CFAP91: variants seen among roughly 807,000 people sequenced by gnomAD.
CFAP91 encodes cilia and flagella associated protein 91.
Under a neutral mutation model 95.9 loss-of-function variants are expected in CFAP91, and 85 were observed. That is an observed-to-expected ratio of 0.89 (90% CI 0.74 to 1.06). CFAP91 has a LOEUF of 1.06. Ranked by LOEUF, CFAP91 falls within the 50% of genes least tolerant of loss-of-function variation. The pLI is 0.00. For synonymous variants in CFAP91, 335 were observed against 327.5 expected (o/e 1.02, Z -0.25); for missense variants, 962 against 943.4 (o/e 1.02, Z -0.26).
intron 11 of CFAP91, 94 bp downstream of exon 11, chr3:119,737,576 A>G (rs2054035632): frequency 2.8e-6 from 2 of 717,100 alleles, no homozygotes; most frequent in East Asian, 2.7e-5. Flanking sequence ...CTAATTTAGC[A>G]GTGTTAGTTT....
intron 17 of CFAP91, among the ~76,000 whole-genome samples, chr3:119,759,677 A>G (rs1421376057): frequency 6.6e-6 from 1 of 152,024 alleles, no homozygotes; most frequent in East Asian, 1.9e-4. Context: ...AATATCTACA[A>G]TAATTTGTTA....
chr3:119,714,365 CAAAAA>C (rs1265042198), intron 5 of CFAP91, among the ~76,000 whole-genome samples: 1 of 128,630 alleles, frequency 7.8e-6, no homozygotes, highest in Non-Finnish European at 1.6e-5. Context: ...GACTCCGTCT[CAAAAA>C]AAAAAAAAAA....
intron 16 of CFAP91, 151 bp from the exon 17 acceptor site, chr3:119,750,786 A>C (rs1364867064): frequency 5.1e-6 from 4 of 777,878 alleles, no homozygotes; most frequent in South Asian, 1.7e-5. Context: ...TGAACCAGAG[A>C]GTGGGAACAG....
Position 119,730,247 on chromosome 3 carries a change from A to T in CFAP91, c.888A>T (p.Leu296=). 1 of 1,614,002 alleles carries T rather than the reference A, an allele frequency of 6.2e-7. No individual in the cohort carries two copies. The highest frequency in any genetic ancestry group is 1.3e-5 in the African/African-American group (1 of 75,006). Residue 296 remains leucine (L), a synonymous_variant, in exon 8 of 18, where the codon CTA becomes CTT. Coordinates refer to ENST00000273390, the MANE Select transcript of CFAP91 (RefSeq NM_033364.4). ...EKLQEIRLEV[L]KELLRKREEN... ...TGCAGGAGATTCGCCTGGAAGTTCT[A>T]AAAGAGCTGTTGAGGAAGCGTGAAG...
In CFAP91 at chr3:119,747,495, T is replaced by C; in HGVS notation, c.2051+232T>C. On this transcript the variant is annotated intron_variant, in intron 15 of 17. Coordinates refer to ENST00000273390, the MANE Select transcript of CFAP91 (RefSeq NM_033364.4). The stretch of plus-strand genomic sequence containing the variant: ...CTCTCATTACTTACTTTAAGAATAC[T>C]CGGAAGCATGAAAACAATGTGAATA... 5.3e-6 allele frequency: 3 copies of C among 567,892 alleles called. No individual in the cohort carries two copies. The South Asian group carries it at 7.6e-5, about 14-fold the overall frequency. The allele number at this position is 567,892 out of a possible 1,614,324, so 35.2% of individuals were successfully genotyped here. A position where few individuals can be genotyped will look rare whatever the true frequency, so the allele number is the denominator to read the frequency against.
At position 119,753,154 on chromosome 3, in the gene CFAP91, C is replaced by T. The variant is rs1331260651; in HGVS notation, c.*1+2056C>T. The stretch of plus-strand genomic sequence containing the variant: ...AAGATAGAAATTTAGAGGGTTGGGT[C>T]TGGCATTTGGAGCTACTTTTTTCCT... On this transcript the variant is annotated intron_variant, in intron 17 of 17. Coordinates refer to ENST00000273390, the MANE Select transcript of CFAP91 (RefSeq NM_033364.4). 2.0e-5 allele frequency among the ~76,000 whole-genome samples: 3 copies of T among 152,210 alleles called. No individual in the cohort carries two copies. In the East Asian group the frequency reaches 5.8e-4, roughly 29 times the overall value.
At chr3:119,758,070 T>C (rs2054466734) in intron 17 of CFAP91, among the ~76,000 whole-genome samples, 1 of 152,212 alleles carries the variant, frequency 6.6e-6, no homozygotes, top group African/African-American at 2.4e-5. Flanking sequence ...GTTGGTTGGT[T>C]GGTTTTTGGT....
chr3:119,740,413 T>C, intron 12 of CFAP91, 136 bp from the exon 13 acceptor site: 4 of 955,804 alleles, frequency 4.2e-6, no homozygotes, highest in Non-Finnish European at 6.3e-6. Context: ...GTGGGACACA[T>C]CTGCTCTGTG....
intron 13 of CFAP91, among the ~76,000 whole-genome samples, chr3:119,742,125 G>C (rs1357819843): frequency 6.6e-6 from 1 of 152,174 alleles, no homozygotes; most frequent in Non-Finnish European, 1.5e-5. Context: ...GCTAACCCAG[G>C]CTTTTCAGCT....
At chr3:119,738,631 G>A (rs978575655) in intron 11 of CFAP91, among the ~76,000 whole-genome samples, 2 of 152,022 alleles carry the variant, frequency 1.3e-5, no homozygotes, top group Non-Finnish European at 2.9e-5. Context: ...TTACAGGCAT[G>A]AGCCACTGTG....
chr3:119,737,443 A>G lies in CFAP91; in HGVS notation c.1422A>G (p.Gln474=), dbSNP rs1480291613. The change falls in exon 11 of 18, where the codon CAA becomes CAG. Residue 474 remains glutamine, a synonymous_variant. Coordinates refer to ENST00000273390, the MANE Select transcript of CFAP91 (RefSeq NM_033364.4). ...PRFLQRNPIP[Q]PRLPTPTLEM... ...TCCTTCAAAGAAACCCAATACCTCA[A>G]CCTCGGCTTCCAACTCCAACCTTGG... is the stretch of plus-strand genomic sequence containing the variant. The G allele has an allele frequency of 6.2e-7, 1 of 1,610,594 alleles. No homozygotes were observed. Among genetic ancestry groups the G allele is most frequent in the African/African-American group, 1.3e-5 (1 of 74,706 alleles).
intron 6 of CFAP91, 94 bp downstream of exon 6, chr3:119,715,837 C>G: frequency 1.8e-6 from 2 of 1,141,632 alleles, no homozygotes; most frequent in Non-Finnish European, 2.6e-6. Flanking sequence ...TTGTGGTTTA[C>G]AGTGTTGCTA....
At chr3:119,737,293 C>G in intron 10 of CFAP91, 73 bp from the exon 11 acceptor site, 1 of 837,248 alleles carries the variant, frequency 1.2e-6, no homozygotes, top group Non-Finnish European at 1.9e-6. Flanking sequence ...ATGTAAAAAA[C>G]TGCACTTTTA....
Position 119,730,261 on chromosome 3 carries a change from G to A in CFAP91, c.902G>A (p.Arg301Lys), listed in dbSNP as rs533246019. ...CTGGAAGTTCTAAAAGAGCTGTTGA[G>A]GAAGCGTGAAGAGAATCAGAATGAA... ...IRLEVLKELL[R>K]KREENQNEVN... Residue 301 changes from arginine (R) to lysine (K), a missense_variant, in exon 8 of 18, where the codon AGG (arginine) becomes AAG (lysine). Transcript: ENST00000273390. 39 of 1,614,076 alleles carry A rather than the reference G, an allele frequency of 2.4e-5. 1 individual carries two copies. The South Asian group carries it at 3.4e-4, about 14-fold the overall frequency.
At chr3:119,730,894 C>T (rs1468000544) in intron 8 of CFAP91, among the ~76,000 whole-genome samples, 1 of 152,018 alleles carries the variant, frequency 6.6e-6, no homozygotes, top group Admixed American at 6.6e-5. Flanking sequence ...TTTTTATTCA[C>T]TGCAAGATTA....
rs567021372 is a variant in CFAP91 at position 119,765,381 on chromosome 3, T to A, written c.*331T>A. Reference sequence around the variant, plus strand: ...TGTTGTGGAATATTTTTCCAAGTAGTTTTGGTTCACTATTCACAGGACATT... The same window carrying A: ...TGTTGTGGAATATTTTTCCAAGTAGATTTGGTTCACTATTCACAGGACATT... On this transcript the variant is annotated 3_prime_UTR_variant, in exon 18 of 18. Coordinates refer to ENST00000273390, the MANE Select transcript of CFAP91 (RefSeq NM_033364.4). The A allele has an allele frequency of 6.5e-4, 99 of 152,278 alleles. No homozygotes were observed. The highest frequency in any genetic ancestry group is 1.1e-3 in the Non-Finnish European group (76 of 68,008). The allele number at this position is 152,278 out of a possible 1,614,324, so 9.4% of individuals were successfully genotyped here.
intron 3 of CFAP91, among the ~76,000 whole-genome samples, 171 bp downstream of exon 3, chr3:119,707,732 G>GATATATATATATATAT (rs770594988): frequency 0.031 from 4,414 of 142,144 alleles, 136 homozygotes; most frequent in Admixed American, 0.067. Flanking sequence ...GTATATATGA[G>GATATATATATATATAT]ATATATATAT....
chr3:119,740,723 T>C (rs2054101416), intron 13 of CFAP91, 28 bp downstream of exon 13: 2 of 1,599,848 alleles, frequency 1.3e-6, no homozygotes, highest in African/African-American at 2.7e-5. Context: ...TTCTTGTTAC[T>C]TTCTTGTTAA....
At chr3:119,728,163 A>G (rs2053822942) in intron 7 of CFAP91, among the ~76,000 whole-genome samples, 1 of 152,178 alleles carries the variant, frequency 6.6e-6, no homozygotes, top group African/African-American at 2.4e-5. Flanking sequence ...GAGTTCTGTC[A>G]ATGATATCAG....
Sources: allele counts gnomAD v4.1 joint callset (sites outside exome capture counted in the v4.1 genomes callset), GRCh38; gene constraint gnomAD v4.1.1; transcripts MANE v1.5; gene names NCBI Gene and HGNC (gene_info 2026-07-23, HGNC 2026-07-21).